Variants in KCTD18 observed in about 807,000 individuals in gnomAD.
KCTD18 encodes the protein BTB/POZ domain-containing protein KCTD18.
Under a neutral mutation model 30.4 loss-of-function variants are expected in KCTD18, and 22 were observed. The ratio of observed to expected loss-of-function variants is 0.72; its 90% CI spans 0.52 to 1.03. The LOEUF is 1.03. Ranked by LOEUF, KCTD18 falls within the 50% of genes least tolerant of loss-of-function variation. The pLI is 0.00. For synonymous variants in KCTD18, 186 were observed against 209.0 expected, an observed-to-expected ratio of 0.89 and a Z score of 0.95; for missense variants, 529 against 547.6, an observed-to-expected ratio of 0.97 and a Z score of 0.34.
At chr2:200,500,126 T>C (rs2088062947) in intron 3 of KCTD18, among the ~76,000 whole-genome samples, 1 of 151,656 alleles carries the variant, frequency 6.6e-6, no homozygotes, top group Admixed American at 6.6e-5. Flanking sequence ...TGATGGGACG[T>C]ATCTCAAAAT....
At position 200,490,967 on chromosome 2, in the gene KCTD18, A is replaced by G. The variant is rs374943683; in HGVS notation, c.765-351T>C. 3.3e-5 allele frequency among the ~76,000 whole-genome samples: 5 copies of G among 152,286 alleles called. No individual in the cohort carries two copies. The East Asian group carries it at 7.7e-4, about 23-fold the overall frequency. ...AATATCACAAATTGTTTTTCCCAGA[A>G]CTGCAGTTTAAAGAGATTTAGTAAA... On this transcript the variant is annotated intron_variant, in intron 6 of 6. Transcript: ENST00000359878.
intron 5 of KCTD18, among the ~76,000 whole-genome samples, chr2:200,495,082 C>T (rs1208956259): frequency 6.6e-6 from 1 of 152,022 alleles, no homozygotes; most frequent in African/African-American, 2.4e-5. Flanking sequence ...ATTCACATCC[C>T]TTGTACAATA....
At chr2:200,506,449 A>G (rs2030204195) in intron 2 of KCTD18, among the ~76,000 whole-genome samples, 1 of 152,182 alleles carries the variant, frequency 6.6e-6, no homozygotes, top group South Asian at 2.1e-4. Flanking sequence ...CTAATTCTAC[A>G]ATGACGATGG....
In KCTD18 at chr2:200,490,434, C is replaced by A; in HGVS notation, c.947G>T (p.Ser316Ile). 1 of 1,614,176 alleles carries A rather than the reference C, an allele frequency of 6.2e-7. No individual in the cohort carries two copies. The highest frequency in any genetic ancestry group is 8.5e-7 in the Non-Finnish European group (1 of 1,180,044). Reference protein sequence around the residue: ...SAGATANRFQSGSRRKAAQRS... With the variant: ...SAGATANRFQIGSRRKAAQRS... ...CTGAGCTGCCTTTCTGCGGCTACCA[C>A]TTTGAAACCGGTTTGCTGTCGCCCC... Residue 316 changes from serine to isoleucine, a missense_variant, in exon 7 of 7, where the codon AGT becomes ATT. Physicochemically the swap from Ser to Ile is moderately radical, Grantham distance 142 (BLOSUM62 -2). Coordinates refer to ENST00000359878, the MANE Select transcript of KCTD18 (RefSeq NM_152387.4).
rs753912975 is a variant in KCTD18, at chr2:200,493,305, C to G, written c.662-31G>C. 56 of 1,198,960 alleles carry G rather than the reference C, an allele frequency of 4.7e-5. No homozygotes were observed. In the African/African-American group the frequency reaches 7.5e-4, roughly 16 times the overall value. The allele number at this position is 1,198,960 out of a possible 1,614,324, so 74.3% of individuals were successfully genotyped here. ...AGGTAAAAAGACATAATTAAGACAGCTACCATCCACTGCAAAATGCTGAGC... is the reference window on the plus strand; with the variant it reads ...AGGTAAAAAGACATAATTAAGACAGGTACCATCCACTGCAAAATGCTGAGC... On this transcript the variant is annotated intron_variant, in intron 5 of 6. Transcript: ENST00000359878.
chr2:200,502,300 TAAAAAAAAGA>T (rs1188230876), intron 3 of KCTD18, among the ~76,000 whole-genome samples: 3 of 151,064 alleles, frequency 2.0e-5, no homozygotes, highest in Non-Finnish European at 4.4e-5. Flanking sequence ...ATAATAAATT[TAAAAAAAAGA>T]AAAAAAAAGA....
chr2:200,504,487 T>C (rs1371351369), intron 3 of KCTD18, among the ~76,000 whole-genome samples: 1 of 150,792 alleles, frequency 6.6e-6, no homozygotes, highest in Non-Finnish European at 1.5e-5. Flanking sequence ...AAGCAAGAAT[T>C]TCAGGAGTTC....
At chr2:200,501,581 C>A (rs373953028) in intron 3 of KCTD18, among the ~76,000 whole-genome samples, 12,061 of 111,390 alleles carry the variant, frequency 0.11, 463 homozygotes, top group African/African-American at 0.15. Flanking sequence ...TCAAAACCAC[C>A]ATGAGATACC....
chr2:200,507,683 A>G (rs1031065344), intron 1 of KCTD18, among the ~76,000 whole-genome samples: 3 of 152,258 alleles, frequency 2.0e-5, no homozygotes, highest in African/African-American at 7.2e-5. Flanking sequence ...ATATAAATTT[A>G]ACCATAAGGT....
chr2:200,490,189 T>TCGTGGC lies in KCTD18; in HGVS notation c.1186_1191dup (p.Ala396_Thr397dup), dbSNP rs764546547. ...AGCGGCTTGAGGGAGTTGGCCTGCC[T>TCGTGGC]CGTGGCCGTGGGGGAGGGCAGGCAA... On this transcript the variant is annotated inframe_insertion, in exon 7 of 7. Coordinates refer to ENST00000359878, the MANE Select transcript of KCTD18 (RefSeq NM_152387.4). 3.1e-6 allele frequency: 5 copies of TCGTGGC among 1,613,884 alleles called. No individual in the cohort carries two copies. Among genetic ancestry groups the TCGTGGC allele is most frequent in the Middle Eastern group, 1.7e-4 (1 of 6,058 alleles).
intron 3 of KCTD18, among the ~76,000 whole-genome samples, chr2:200,502,054 G>T (rs1013566677): frequency 1.3e-5 from 2 of 151,036 alleles, no homozygotes; most frequent in East Asian, 2.0e-4. Context: ...ACCAAACACC[G>T]CATATTCTTA....
intron 6 of KCTD18, among the ~76,000 whole-genome samples, chr2:200,492,521 A>G (rs1251179239): frequency 6.6e-6 from 1 of 152,260 alleles, no homozygotes; most frequent in Non-Finnish European, 1.5e-5. Flanking sequence ...CATTTCAGTG[A>G]AAGACCCAGA....
In KCTD18 at chr2:200,490,411, G is replaced by A. The variant is rs1476816881; in HGVS notation, c.970C>T (p.Gln324Ter). The stretch of plus-strand genomic sequence containing the variant: ...GTGGCTCTGGAAGGTGCAGAGCGCT[G>A]AGCTGCCTTTCTGCGGCTACCACTT... The part of the protein sequence containing the change: ...FQSGSRRKAA[Q>*]RSAPSRATAL... Residue 324 changes from glutamine (Q) to a stop codon, truncating the protein, a stop_gained, in exon 7 of 7, where the codon CAG becomes TAG. Transcript: ENST00000359878. LOFTEE classifies it low-confidence loss of function (END_TRUNC). 2 of 1,613,984 alleles carry A rather than the reference G, an allele frequency of 1.2e-6. No homozygotes were observed. Among genetic ancestry groups the A allele is most frequent in the African/African-American group, 1.3e-5 (1 of 74,932 alleles).
intron 3 of KCTD18, among the ~76,000 whole-genome samples, chr2:200,504,165 T>G (rs1306904403): frequency 2.6e-5 from 4 of 152,120 alleles, no homozygotes; most frequent in African/African-American, 9.7e-5. Context: ...TTCTCTTAAT[T>G]TAAAAAGAAT....
intron 6 of KCTD18, among the ~76,000 whole-genome samples, chr2:200,492,904 C>T (rs1023286788): frequency 9.4e-5 from 11 of 116,840 alleles, no homozygotes; most frequent in African/African-American, 2.5e-4. Context: ...CACAGCATGC[C>T]CACTGTGTCC....
In KCTD18 at chr2:200,493,889, G is replaced by A. The variant is rs377469619; in HGVS notation, c.662-615C>T. On this transcript the variant is annotated intron_variant, in intron 5 of 6. Coordinates refer to ENST00000359878, the MANE Select transcript of KCTD18 (RefSeq NM_152387.4). ...GGGTTGCTGTAACATCAAATCAGGGGAACTTTGTGAACTACTCTGAAAATG... is the reference window on the plus strand; with the variant it reads ...GGGTTGCTGTAACATCAAATCAGGGAAACTTTGTGAACTACTCTGAAAATG... 2.6e-5 allele frequency among the ~76,000 whole-genome samples: 4 copies of A among 152,204 alleles called. 1 individual carries two copies. In the South Asian group the frequency reaches 8.3e-4, roughly 32 times the overall value.
chr2:200,498,767 G>T, intron 4 of KCTD18, 124 bp downstream of exon 4: 2 of 771,150 alleles, frequency 2.6e-6, no homozygotes. Context: ...TGCTATGATG[G>T]CTCACTGTGT....
intron 1 of KCTD18, among the ~76,000 whole-genome samples, chr2:200,508,184 G>T (rs564368914): frequency 3.3e-5 from 5 of 152,266 alleles, no homozygotes; most frequent in African/African-American, 9.6e-5. Context: ...CTCACTCCCG[G>T]GTTCAAGCAA....
chr2:200,490,199 G>A lies in KCTD18; in HGVS notation c.1182C>T (p.Pro394=), dbSNP rs142017026. The A allele has an allele frequency of 1.2e-6, 2 of 1,614,058 alleles. No homozygotes were observed. Among genetic ancestry groups the A allele is most frequent in the South Asian group, 2.2e-5 (2 of 91,078 alleles). ...LCATAPCLPS[P]TATRQANSLK... Reference sequence around the variant, plus strand: ...GGGAGTTGGCCTGCCTCGTGGCCGTGGGGGAGGGCAGGCAAGGCGCGGTGG... The same window carrying A: ...GGGAGTTGGCCTGCCTCGTGGCCGTAGGGGAGGGCAGGCAAGGCGCGGTGG... Residue 394 remains proline, a synonymous_variant, in exon 7 of 7, where the codon CCC becomes CCT. Transcript: ENST00000359878.
Sources: gnomAD v4.1 joint callset for allele counts (sites outside exome capture counted in the v4.1 genomes callset) on GRCh38, gnomAD v4.1.1 for gene constraint, MANE v1.5 for transcripts, NCBI Gene and HGNC (gene_info 2026-07-23, HGNC 2026-07-21) for gene names.